Variants in ZFHX3 observed in about 807,000 individuals in gnomAD.
The protein encoded by ZFHX3 is zinc finger homeobox 3.
ZFHX3 carries 42 observed loss-of-function variants against 279.1 expected under a neutral mutation model. That is an observed-to-expected ratio of 0.15 (90% confidence interval 0.12 to 0.19). The LOEUF (loss-of-function observed/expected upper bound fraction) is 0.19. ZFHX3 is among the 10% of genes least tolerant of loss of function. The pLI is 1.00. For missense variants in ZFHX3, 4,981 were observed against 4,754.0 expected (o/e 1.05, Z -1.40); for synonymous variants, 2,293 against 1,957.8 (o/e 1.17, Z -4.52).
At chr16:73,847,756 G>A (rs1961484840) in intron 1 of ZFHX3, among the ~76,000 whole-genome samples, 1 of 151,982 alleles carries the variant, frequency 6.6e-6, no homozygotes, top group Non-Finnish European at 1.5e-5. Flanking sequence ...TTATTATGAT[G>A]AGATGGAGTC....
At chr16:72,894,422 C>T (rs1230049679) in intron 3 of ZFHX3, among the ~76,000 whole-genome samples, 1 of 152,170 alleles carries the variant, frequency 6.6e-6, no homozygotes, top group Non-Finnish European at 1.5e-5. Flanking sequence ...AGCGGCTCAA[C>T]CCGCGACCCT....
intron 3 of ZFHX3, among the ~76,000 whole-genome samples, chr16:72,947,307 C>T (rs937090845): frequency 1.3e-5 from 2 of 152,212 alleles, no homozygotes; most frequent in African/African-American, 2.4e-5. Flanking sequence ...ATCAAAACGA[C>T]ACCATTCCAG....
chr16:73,840,859 A>C (rs1323050108), intron 1 of ZFHX3, among the ~76,000 whole-genome samples: 3 of 151,764 alleles, frequency 2.0e-5, no homozygotes, highest in African/African-American at 7.3e-5. Flanking sequence ...CAACCATTTC[A>C]CTCTTCCAGT....
At position 72,957,800 on chromosome 16, in the gene ZFHX3, C is replaced by T. The variant is rs755319484; in HGVS notation, c.2346G>A (p.Ala782=). 5.0e-5 allele frequency: 66 copies of T among 1,331,020 alleles called. No individual in the cohort carries two copies. Among genetic ancestry groups the T allele is most frequent in the South Asian group, 2.8e-4 (22 of 77,344 alleles). 82.5% of individuals were successfully genotyped at this position (1,331,020 alleles called of 1,614,324 possible). The change falls in exon 2 of 10, where the codon GCG becomes GCA. Residue 782 remains alanine (A), a synonymous_variant. Transcript: ENST00000268489. ...AAAAAVAAAA[A]AANISSSCGA... ...CGCAGGAGCTACTGATATTGGCTGC[C>T]GCCGCCGCCGCAGCCACCGCCGCCG...
chr16:72,860,750 T>C (rs2037867603), intron 4 of ZFHX3, among the ~76,000 whole-genome samples: 1 of 151,966 alleles, frequency 6.6e-6, no homozygotes, highest in Admixed American at 6.6e-5. Flanking sequence ...AACTTTTAGG[T>C]CCCCTTTGGA....
chr16:72,798,236 T>G lies in ZFHX3; in HGVS notation c.4446A>C (p.Ala1482=), dbSNP rs740178. 1 of 1,614,090 alleles carries G rather than the reference T, an allele frequency of 6.2e-7. No individual in the cohort carries two copies. Among genetic ancestry groups the G allele is most frequent in the Non-Finnish European group, 8.5e-7 (1 of 1,180,016 alleles). Residue 1482 remains alanine (A), a synonymous_variant, in exon 9 of 10, where the codon GCA becomes GCC. Transcript: ENST00000268489. Reference sequence around the variant, plus strand: ...CCTCAACAATTATGGTATGGTCCTCTGCCAGAGTGGGGTCTCCCATTGCCA... The same window carrying G: ...CCTCAACAATTATGGTATGGTCCTCGGCCAGAGTGGGGTCTCCCATTGCCA... The part of the protein sequence containing the change: ...DLLAMGDPTL[A]EDHTIIVEED...
In ZFHX3 at chr16:72,950,557, T is replaced by A. The variant is rs747305944; in HGVS notation, c.3128A>T (p.Asn1043Ile). ...AIGNPVHLKC[N>I]ACDYYTNSLE... is the part of the protein sequence containing the mutation. ...GCTGTTGGTGTAGTAGTCACAGGCG[T>A]TGCACTTGAGGTGCACGGGGTTGCC... Residue 1043 changes from asparagine to isoleucine, a missense_variant, in exon 3 of 10, where the codon AAC (asparagine) becomes ATC (isoleucine). Transcript: ENST00000268489. 6.2e-7 allele frequency: 1 copy of A among 1,614,076 alleles called. No individual in the cohort carries two copies. Among genetic ancestry groups the A allele is most frequent in the African/African-American group, 1.3e-5 (1 of 74,930 alleles).
At chr16:73,528,557 T>A (rs1567510337) in intron 2 of ZFHX3, among the ~76,000 whole-genome samples, 1 of 152,156 alleles carries the variant, frequency 6.6e-6, no homozygotes, top group African/African-American at 2.4e-5. Context: ...TAAAGTAGCA[T>A]GGGATAAGCA....
chr16:73,237,279 AG>A (rs1296722085), intron 5 of ZFHX3, among the ~76,000 whole-genome samples: 1 of 152,164 alleles, frequency 6.6e-6, no homozygotes, highest in Non-Finnish European at 1.5e-5. Context: ...CTTTAGAGAT[AG>A]GGTCTTGCTG....
intron 2 of ZFHX3, among the ~76,000 whole-genome samples, chr16:73,570,069 T>C (rs9938309): frequency 6.5e-4 from 99 of 152,214 alleles, no homozygotes; most frequent in African/African-American, 2.3e-3. Context: ...ACTTCCCGGG[T>C]ATACATTTTA....
At chr16:73,034,667 TAACA>T (rs1288763923) in intron 1 of ZFHX3, among the ~76,000 whole-genome samples, 44 of 152,302 alleles carry the variant, frequency 2.9e-4, no homozygotes, top group Non-Finnish European at 2.9e-5. Context: ...AAGTCTGTTG[TAACA>T]AACACACTAG....
chr16:73,114,194 G>C (rs1027306531), intron 7 of ZFHX3, among the ~76,000 whole-genome samples: 1 of 151,852 alleles, frequency 6.6e-6, no homozygotes, highest in Non-Finnish European at 1.5e-5. Context: ...CAAAGTGTTG[G>C]GATTCAGGCA....
intron 4 of ZFHX3, among the ~76,000 whole-genome samples, chr16:72,835,705 A>C (rs1185370707): frequency 6.6e-6 from 1 of 151,984 alleles, no homozygotes; most frequent in Non-Finnish European, 1.5e-5. Flanking sequence ...TGGTGGGTGG[A>C]AGGAAGGACT....
chr16:73,582,942 T>C (rs143578212), intron 2 of ZFHX3, among the ~76,000 whole-genome samples: 5 of 152,338 alleles, frequency 3.3e-5, no homozygotes, highest in Admixed American at 3.3e-4. Flanking sequence ...TGGTCATTGT[T>C]GTACTGCCTT....
intron 1 of ZFHX3, among the ~76,000 whole-genome samples, chr16:73,883,103 T>C (rs905621161): frequency 2.6e-5 from 4 of 152,128 alleles, no homozygotes; most frequent in African/African-American, 9.7e-5. Context: ...GGGATATTTG[T>C]GGTTTTTTGG....
chr16:73,824,278 C>A (rs1286404608), intron 1 of ZFHX3, among the ~76,000 whole-genome samples: 1 of 151,914 alleles, frequency 6.6e-6, no homozygotes, highest in African/African-American at 2.4e-5. Context: ...TTGCTTGAAG[C>A]ATAGCGTGAG....
intron 2 of ZFHX3, among the ~76,000 whole-genome samples, chr16:73,506,677 TCTC>T (rs1294822252): frequency 8.5e-5 from 13 of 152,056 alleles, no homozygotes; most frequent in Non-Finnish European, 1.5e-4. Flanking sequence ...CAATCAGCCT[TCTC>T]CTTCTGCTTA....
chr16:73,664,314 A>T (rs983116568), intron 2 of ZFHX3, among the ~76,000 whole-genome samples: 2 of 152,172 alleles, frequency 1.3e-5, no homozygotes, highest in African/African-American at 4.8e-5. Context: ...ACAAAGAACT[A>T]CCATAAATGG....
chr16:72,863,544 A>AGAGAGT, intron 4 of ZFHX3, among the ~76,000 whole-genome samples: 1 of 151,794 alleles, frequency 6.6e-6, no homozygotes, highest in Admixed American at 6.6e-5. Context: ...AGACAGAGAG[A>AGAGAGT]GAGAGAGAGA....
Sources: gnomAD v4.1 joint callset for allele counts (sites outside exome capture counted in the v4.1 genomes callset) on GRCh38, gnomAD v4.1.1 for gene constraint, MANE v1.5 for transcripts, NCBI Gene and HGNC (gene_info 2026-07-23, HGNC 2026-07-21) for gene names.